PLXND1: variants seen among roughly 807,000 people sequenced by gnomAD.
PLXND1 encodes plexin-D1.
A neutral mutation model predicts 197.7 loss-of-function variants in PLXND1; 54 were observed. That is an observed-to-expected ratio of 0.27 (90% CI 0.22 to 0.34). PLXND1 has a LOEUF of 0.34. Ranked by LOEUF, PLXND1 falls within the 10% of genes least tolerant of loss-of-function variation. The probability of loss-of-function intolerance (pLI) is 1.00; values close to 1 mark genes in which losing one functional copy is unlikely to be tolerated. For missense variants in PLXND1, 2,127 were observed against 2,699.2 expected (o/e 0.79, Z 4.70); for synonymous variants, 1,180 against 1,161.2 (o/e 1.02, Z -0.33).
At chr3:129,561,435 T>G (rs2085058555) in intron 29 of PLXND1, among the ~76,000 whole-genome samples, 1 of 152,174 alleles carries the variant, frequency 6.6e-6, no homozygotes, top group South Asian at 2.1e-4. Context: ...TCTCTCCAGC[T>G]GCCGCAGGAA....
chr3:129,563,587 G>T (rs1034686468), intron 25 of PLXND1, among the ~76,000 whole-genome samples: 1 of 152,216 alleles, frequency 6.6e-6, no homozygotes, highest in Non-Finnish European at 1.5e-5. Context: ...GACCTGGCTC[G>T]GCTGACTCCC....
At chr3:129,583,436 G>A (rs1235531845) in intron 8 of PLXND1, 131 bp downstream of exon 8, 13 of 625,306 alleles carry the variant, frequency 2.1e-5, no homozygotes, top group Admixed American at 2.9e-5. Flanking sequence ...GGTATGTGAT[G>A]AGCCCCATAT....
rs1473611651 is a variant in PLXND1 at position 129,557,943 on chromosome 3, C to T, written c.5445+485G>A. Among the ~76,000 whole-genome samples the T allele has an allele frequency of 6.6e-6, 1 of 152,228 alleles. No individual in the cohort carries two copies. On this transcript the variant is annotated intron_variant, in intron 33 of 35. Transcript: ENST00000324093. The surrounding 1 kb of genome is among the most constrained non-coding windows in gnomAD (Gnocchi z 4.8). ...CCTCTTTCATCTTCAACCTCTAAAG[C>T]CAGACACAGCCTTGTGTGCCCCCAA... is the stretch of plus-strand genomic sequence containing the variant.
In PLXND1 at chr3:129,562,688, A is replaced by G. The variant is rs2085078962; in HGVS notation, c.4825+99T>C. The G allele has an allele frequency of 3.5e-6, 4 of 1,139,734 alleles. No homozygotes were observed. In the South Asian group the frequency reaches 4.5e-5, roughly 13 times the overall value. 70.6% of individuals were successfully genotyped at this position (1,139,734 alleles called of 1,614,324 possible). On this transcript the variant is annotated intron_variant, in intron 27 of 35. Transcript: ENST00000324093. The stretch of plus-strand genomic sequence containing the variant: ...GGATCCTCTCAGTGTCCCCACATTC[A>G]TGCACCCATGCCAGGTGAAAGGAGT...
rs1196991412 is a variant in PLXND1 at position 129,556,501 on chromosome 3, C to T, written c.5662-73G>A. The stretch of plus-strand genomic sequence containing the variant: ...TCAGTTCGTGGGAGAGAACACACCC[C>T]TGAACGTCTACCACGAGTGACATCC... On this transcript the variant is annotated intron_variant, in intron 35 of 35. Transcript: ENST00000324093. The T allele has an allele frequency of 4.4e-6, 6 of 1,366,474 alleles. No individual in the cohort carries two copies. In the African/African-American group the frequency reaches 7.1e-5, roughly 16 times the overall value. 84.6% of individuals were successfully genotyped at this position (1,366,474 alleles called of 1,614,324 possible). A position where few individuals can be genotyped will look rare whatever the true frequency, so the allele number is the denominator to read the frequency against.
chr3:129,561,743 G>A (rs1287300736), intron 28 of PLXND1, 34 bp from the exon 29 acceptor site: 6 of 1,558,062 alleles, frequency 3.9e-6, no homozygotes, highest in Middle Eastern at 2.0e-4. Flanking sequence ...GTCAGAGGCC[G>A]GAGGTTGGGG....
chr3:129,560,965 A>C, intron 29 of PLXND1: 1 of 645,550 alleles, frequency 1.5e-6, no homozygotes, highest in Non-Finnish European at 2.9e-6. Flanking sequence ...AGACGGAGAG[A>C]GAGATAAGTG....
At chr3:129,589,268 C>A in intron 2 of PLXND1, 83 bp downstream of exon 2, 1 of 843,260 alleles carries the variant, frequency 1.2e-6, no homozygotes, top group Non-Finnish European at 1.9e-6. Context: ...TGTAGCAGCC[C>A]TGTGTACAGA....
At chr3:129,566,299 G>A (rs1236898853) in intron 23 of PLXND1, 6 of 600,574 alleles carry the variant, frequency 1.0e-5, no homozygotes, top group African/African-American at 3.7e-5. Flanking sequence ...TGTACAGGGG[G>A]GCCCAATCCT....
intron 1 of PLXND1, among the ~76,000 whole-genome samples, chr3:129,593,252 C>G (rs2085572977): frequency 6.6e-6 from 1 of 152,178 alleles, no homozygotes; most frequent in Admixed American, 6.5e-5. Context: ...TCCCAGGCCT[C>G]CAGTCTCCCT....
intron 2 of PLXND1, among the ~76,000 whole-genome samples, chr3:129,587,326 C>A (rs2085476689): frequency 6.6e-6 from 1 of 152,208 alleles, no homozygotes; most frequent in South Asian, 2.1e-4. Flanking sequence ...CAATACCAGG[C>A]CTGCCTGACC....
Position 129,566,006 on chromosome 3 carries a change from G to A in PLXND1, c.4203C>T (p.Ser1401=). Residue 1401 remains serine (S), a synonymous_variant, in exon 24 of 36, where the codon AGC becomes AGT. Coordinates refer to ENST00000324093, the MANE Select transcript of PLXND1 (RefSeq NM_015103.3). The part of the protein sequence containing the change: ...PLLGEWKIPE[S]CRPNMEEGIS... Reference sequence around the variant, plus strand: ...TTCCCTCTTCCATGTTGGGCCGGCAGCTCTCAGGAATCTGTGGAAGCAACT... The same window carrying A: ...TTCCCTCTTCCATGTTGGGCCGGCAACTCTCAGGAATCTGTGGAAGCAACT... 2 of 1,614,136 alleles carry A rather than the reference G, an allele frequency of 1.2e-6. No individual in the cohort carries two copies. Among genetic ancestry groups the A allele is most frequent in the African/African-American group, 1.3e-5 (1 of 75,060 alleles).
Position 129,558,351 on chromosome 3 carries a change from G to T in PLXND1, c.5445+77C>A. ...AGATCTCTGAGCTCAGCCTCAGAGA[G>T]TCGAGGAGGCTACCCATGGTCGGCA... On this transcript the variant is annotated intron_variant, in intron 33 of 35. Coordinates refer to ENST00000324093, the MANE Select transcript of PLXND1 (RefSeq NM_015103.3). The surrounding 1 kb of genome is among the most constrained non-coding windows in gnomAD (Gnocchi z 4.1). The T allele has an allele frequency of 1.4e-6, 2 of 1,383,554 alleles. No individual in the cohort carries two copies. Among genetic ancestry groups the T allele is most frequent in the Non-Finnish European group, 2.0e-6 (2 of 996,606 alleles). The allele number at this position is 1,383,554 out of a possible 1,614,324, so 85.7% of individuals were successfully genotyped here. A position where few individuals can be genotyped will look rare whatever the true frequency, so the allele number is the denominator to read the frequency against.
intron 1 of PLXND1, among the ~76,000 whole-genome samples, chr3:129,594,500 A>C (rs916190724): frequency 6.6e-6 from 1 of 152,136 alleles, no homozygotes; most frequent in Non-Finnish European, 1.5e-5. Flanking sequence ...AAATAAAAAA[A>C]CTGCAAGGTG....
In PLXND1 at chr3:129,578,355, G is replaced by T; in HGVS notation, c.2320C>A (p.Pro774Thr). Residue 774 changes from proline (P) to threonine (T), a missense_variant, in exon 9 of 36, where the codon CCT (proline) becomes ACT (threonine). Pro to Thr is a conservative substitution (Grantham distance 38). Coordinates refer to ENST00000324093, the MANE Select transcript of PLXND1 (RefSeq NM_015103.3). The stretch of plus-strand genomic sequence containing the variant: ...TGGAAAAAGGCAGTGTTGGCCAGAG[G>T]CACCAGGATGTTCTGGGAGCCACCC... ...PTGGSQNILV[P>T]LANTAFFQGA... 4 of 1,606,122 alleles carry T rather than the reference G, an allele frequency of 2.5e-6. No individual in the cohort carries two copies. Among genetic ancestry groups the T allele is most frequent in the Non-Finnish European group, 3.4e-6 (4 of 1,176,864 alleles).
rs145604191 is a variant in PLXND1 at position 129,597,541 on chromosome 3, G to A, written c.1311+7788C>T. Among the ~76,000 whole-genome samples, 54 of 152,252 alleles carry A rather than the reference G, an allele frequency of 3.5e-4. 1 individual carries two copies. Among genetic ancestry groups the A allele is most frequent in the African/African-American group, 1.3e-3 (52 of 41,534 alleles). ...AGTGCTACATGATTAACGCCCCACT[G>A]GGGCCTTGCCGGGACTCGTAATGGA... On this transcript the variant is annotated intron_variant, in intron 1 of 35. Transcript: ENST00000324093.
intron 1 of PLXND1, among the ~76,000 whole-genome samples, chr3:129,595,911 G>GTGCA (rs1347560287): frequency 1.1e-3 from 86 of 78,186 alleles, no homozygotes; most frequent in African/African-American, 3.9e-3. Flanking sequence ...AGCCCTGGGG[G>GTGCA]TGCACGCACG....
At chr3:129,569,055 A>G (rs2085183780) in intron 20 of PLXND1, 1 of 152,226 alleles carries the variant, frequency 6.6e-6, no homozygotes, top group Admixed American at 6.5e-5. Context: ...ATCATACAAT[A>G]TGCCTTTGGT....
At chr3:129,598,702 C>T (rs1012479390) in intron 1 of PLXND1, among the ~76,000 whole-genome samples, 1 of 152,126 alleles carries the variant, frequency 6.6e-6, no homozygotes, top group African/African-American at 2.4e-5. Flanking sequence ...TTAAAATGGG[C>T]CCATTCACCC....
Sources: gnomAD v4.1 joint callset for allele counts (sites outside exome capture counted in the v4.1 genomes callset) on GRCh38, gnomAD v4.1.1 for gene constraint, Gnocchi (gnomAD v3.1) non-coding constraint, MANE v1.5 for transcripts, NCBI Gene and HGNC (gene_info 2026-07-23, HGNC 2026-07-21) for gene names.